Variants in DLGAP2 observed in about 807,000 individuals in gnomAD.
DLGAP2 encodes disks large-associated protein 2.
DLGAP2 carries 26 observed loss-of-function variants against 100.3 expected under a neutral mutation model. The observed-to-expected ratio is 0.26, with a 90% CI of 0.19 to 0.36. The LOEUF (loss-of-function observed/expected upper bound fraction) is 0.36, where lower values mean the gene tolerates loss of function less well. DLGAP2 is among the 10% of genes least tolerant of loss of function. DLGAP2 has a pLI of 1.00. For synonymous variants in DLGAP2, 886 were observed against 630.1 expected, an observed-to-expected ratio of 1.41 and a Z score of -6.08; for missense variants, 1,858 against 1,453.2, an observed-to-expected ratio of 1.28 and a Z score of -4.53.
chr8:1,451,062 G>A (rs1798145805), intron 3 of DLGAP2, among the ~76,000 whole-genome samples: 2 of 152,064 alleles, frequency 1.3e-5, no homozygotes, highest in South Asian at 4.1e-4. Flanking sequence ...TCCCTACGGT[G>A]GTTTTAAAGT....
chr8:1,007,209 A>G (rs6989880), intron 2 of DLGAP2, among the ~76,000 whole-genome samples: 60,038 of 151,806 alleles, frequency 0.4, 12,182 homozygotes, highest in African/African-American at 0.48. Context: ...GACACCGTGC[A>G]TCTCAAGTCT....
intron 2 of DLGAP2, among the ~76,000 whole-genome samples, chr8:1,004,486 A>G (rs1801049159): frequency 6.6e-6 from 1 of 152,248 alleles, no homozygotes; most frequent in South Asian, 2.1e-4. Context: ...TATATTCAAA[A>G]TAGAGTCGGC....
intron 4 of DLGAP2, among the ~76,000 whole-genome samples, chr8:1,507,349 G>C (rs1799960005): frequency 6.6e-6 from 1 of 152,194 alleles, no homozygotes; most frequent in Non-Finnish European, 1.5e-5. Flanking sequence ...GCGCCGGTGG[G>C]CCAGCACTGC....
chr8:1,422,413 A>G (rs748953885), intron 3 of DLGAP2, among the ~76,000 whole-genome samples: 16 of 152,192 alleles, frequency 1.1e-4, no homozygotes, highest in Non-Finnish European at 2.4e-4. Context: ...ATATGTAGGG[A>G]GAAAAGCGAA....
rs141322932 is a variant in DLGAP2 at position 874,312 on chromosome 8, T to C, written c.19-33600T>C. Among the ~76,000 whole-genome samples the C allele has an allele frequency of 2.4e-3, 365 of 152,304 alleles. 2 individuals carry two copies. The highest frequency in any genetic ancestry group is 7.8e-3 in the African/African-American group (324 of 41,584). On this transcript the variant is annotated intron_variant, in intron 1 of 14. Coordinates refer to ENST00000637795, the MANE Select transcript of DLGAP2 (RefSeq NM_001346810.2). ...AAGTTTAGCTTCTTCATTTGAGGTC[T>C]TTCTTTTTCCTTCATAGAAGCATTT... is the stretch of plus-strand genomic sequence containing the variant.
chr8:1,250,185 C>T (rs751843211), intron 2 of DLGAP2, among the ~76,000 whole-genome samples: 15 of 149,820 alleles, frequency 1.0e-4, no homozygotes, highest in Admixed American at 6.7e-5. Flanking sequence ...AGTAGTCTTT[C>T]TTAGGCTAAG....
Position 1,512,564 on chromosome 8 carries a change from A to G in DLGAP2, c.172+11133A>G, listed in dbSNP as rs536282606. 2.0e-5 allele frequency among the ~76,000 whole-genome samples: 3 copies of G among 152,194 alleles called. No individual in the cohort carries two copies. In the East Asian group the frequency reaches 5.8e-4, roughly 29 times the overall value. On this transcript the variant is annotated intron_variant, in intron 4 of 14. Coordinates refer to ENST00000637795, the MANE Select transcript of DLGAP2 (RefSeq NM_001346810.2). ...TGACGCACTCCCCCGAGAGAGGCCAACACCTCACAGCAGCCTGCCGCAGCA... is the reference window on the plus strand; with the variant it reads ...TGACGCACTCCCCCGAGAGAGGCCAGCACCTCACAGCAGCCTGCCGCAGCA...
chr8:966,480 C>G (rs1012471834), intron 2 of DLGAP2, among the ~76,000 whole-genome samples: 3 of 152,176 alleles, frequency 2.0e-5, no homozygotes, highest in Non-Finnish European at 4.4e-5. Context: ...GAGTTAGTAA[C>G]TCTAAATATA....
intron 8 of DLGAP2, among the ~76,000 whole-genome samples, chr8:1,647,964 G>T (rs1394263075): frequency 6.6e-6 from 1 of 152,078 alleles, no homozygotes; most frequent in South Asian, 2.1e-4. Context: ...CCCTCATCCT[G>T]CCCCCAGACA....
chr8:955,366 C>A (rs758170023), intron 2 of DLGAP2, among the ~76,000 whole-genome samples: 1 of 152,136 alleles, frequency 6.6e-6, no homozygotes, highest in African/African-American at 2.4e-5. Flanking sequence ...GAAGCAGGTG[C>A]GTCGCTCTGT....
At chr8:1,193,302 G>T (rs1585139205) in intron 2 of DLGAP2, among the ~76,000 whole-genome samples, 1 of 152,176 alleles carries the variant, frequency 6.6e-6, no homozygotes, top group African/African-American at 2.4e-5. Context: ...GTGTAAAAGT[G>T]TTCCCATTTC....
chr8:1,142,702 C>T (rs561714234), intron 2 of DLGAP2, among the ~76,000 whole-genome samples: 2 of 152,150 alleles, frequency 1.3e-5, no homozygotes, highest in African/African-American at 2.4e-5. Context: ...TAGGGCAGGA[C>T]GGGGCTGCCA....
At chr8:943,759 C>T (rs913347601) in intron 2 of DLGAP2, among the ~76,000 whole-genome samples, 10 of 152,046 alleles carry the variant, frequency 6.6e-5, no homozygotes, top group Admixed American at 3.9e-4. Flanking sequence ...GCTCTGTACA[C>T]GATCATGTGG....
Position 1,626,845 on chromosome 8 carries a change from G to A in DLGAP2, c.1548G>A (p.Met516Ile). 1 of 1,607,070 alleles carries A rather than the reference G, an allele frequency of 6.2e-7. No homozygotes were observed. Among genetic ancestry groups the A allele is most frequent in the Non-Finnish European group, 8.5e-7 (1 of 1,177,024 alleles). Reference sequence around the variant, plus strand: ...TCCGCTCCCGGAACCAGAGCTACATGAGGGCCGTCAGCACCCTGAGCCAGG... The same window carrying A: ...TCCGCTCCCGGAACCAGAGCTACATAAGGGCCGTCAGCACCCTGAGCCAGG... ...PKFRSRNQSY[M>I]RAVSTLSQAS... The change falls in exon 7 of 15, where the codon ATG becomes ATA. Residue 516 changes from methionine (M) to isoleucine (I), a missense_variant. Met to Ile is a conservative substitution (Grantham distance 10). Coordinates refer to ENST00000637795, the MANE Select transcript of DLGAP2 (RefSeq NM_001346810.2).
intron 3 of DLGAP2, among the ~76,000 whole-genome samples, chr8:1,434,598 T>A (rs1237239960): frequency 6.6e-6 from 1 of 152,092 alleles, no homozygotes; most frequent in African/African-American, 2.4e-5. Context: ...CACTTCAAGT[T>A]CCCGAGTAGC....
intron 14 of DLGAP2, among the ~76,000 whole-genome samples, chr8:1,699,587 C>G (rs1173835180): frequency 6.6e-6 from 1 of 151,902 alleles, no homozygotes; most frequent in Non-Finnish European, 1.5e-5. Flanking sequence ...GCACTGCAGC[C>G]TAGGCAACAG....
intron 3 of DLGAP2, among the ~76,000 whole-genome samples, chr8:1,451,906 G>A (rs528257276): frequency 7.9e-5 from 12 of 152,296 alleles, no homozygotes; most frequent in South Asian, 4.1e-4. Context: ...CCACACACAC[G>A]GCCCAGGCCC....
intron 6 of DLGAP2, among the ~76,000 whole-genome samples, chr8:1,598,099 T>A (rs1207099791): frequency 6.6e-6 from 1 of 152,256 alleles, no homozygotes; most frequent in Non-Finnish European, 1.5e-5. Flanking sequence ...ATTGCAGGCC[T>A]TCTCTACATC....
At chr8:1,167,137 A>G (rs557619197) in intron 2 of DLGAP2, among the ~76,000 whole-genome samples, 28 of 152,224 alleles carry the variant, frequency 1.8e-4, no homozygotes, top group African/African-American at 6.0e-4. Flanking sequence ...CACTGTCTCT[A>G]AAAGAAGAAA....
Sources: gnomAD v4.1 joint callset for allele counts (sites outside exome capture counted in the v4.1 genomes callset) on GRCh38, gnomAD v4.1.1 for gene constraint, MANE v1.5 for transcripts, NCBI Gene and HGNC (gene_info 2026-07-23, HGNC 2026-07-21) for gene names.